Variants in MALRD1 observed in about 807,000 individuals in gnomAD.
The protein encoded by MALRD1 is MAM and LDL-receptor class A domain-containing protein 1.
Under a neutral mutation model 242.1 loss-of-function variants are expected in MALRD1, and 247 were observed. The ratio of observed to expected loss-of-function variants is 1.02; its 90% CI spans 0.92 to 1.13. The LOEUF (loss-of-function observed/expected upper bound fraction) is 1.13. MALRD1 is among the 50% of genes most tolerant of loss of function. The pLI, the probability that MALRD1 is intolerant of heterozygous loss-of-function variation, is 0.00. For missense variants in MALRD1, 2,989 were observed against 2,533.1 expected (o/e 1.18, Z -3.86); for synonymous variants, 995 against 866.6 (o/e 1.15, Z -2.60).
At chr10:19,217,219 T>C (rs1419255720) in intron 18 of MALRD1, among the ~76,000 whole-genome samples, 2 of 152,172 alleles carry the variant, frequency 1.3e-5, no homozygotes, top group Non-Finnish European at 2.9e-5. Flanking sequence ...CCATGATTTA[T>C]GGAATAAAGT....
chr10:19,697,738 C>T (rs1833444426), intron 38 of MALRD1, among the ~76,000 whole-genome samples: 1 of 152,126 alleles, frequency 6.6e-6, no homozygotes, highest in Non-Finnish European at 1.5e-5. Context: ...TTGCTCTCTT[C>T]TATTTCTCTC....
At chr10:19,581,269 G>A (rs1290913946) in intron 33 of MALRD1, among the ~76,000 whole-genome samples, 7 of 145,118 alleles carry the variant, frequency 4.8e-5, no homozygotes, top group Admixed American at 3.4e-4. Flanking sequence ...TGCACAATGT[G>A]CAGGTTAGTT....
chr10:19,620,994 AC>A (rs1279063513), intron 36 of MALRD1, among the ~76,000 whole-genome samples: 1 of 148,012 alleles, frequency 6.8e-6, no homozygotes, highest in Non-Finnish European at 1.5e-5. Flanking sequence ...TAGAGCAACT[AC>A]CAAAAAAAAA....
intron 35 of MALRD1, among the ~76,000 whole-genome samples, chr10:19,611,657 C>A (rs1838902852): frequency 6.6e-6 from 1 of 152,004 alleles, no homozygotes; most frequent in Non-Finnish European, 1.5e-5. Context: ...ATCTACTTAT[C>A]TCCTGGAAAT....
chr10:19,647,697 A>C (rs995297405), intron 36 of MALRD1, among the ~76,000 whole-genome samples: 2 of 152,318 alleles, frequency 1.3e-5, no homozygotes, highest in Admixed American at 6.5e-5. Flanking sequence ...TTGACATCTT[A>C]TGTGTCAAAA....
intron 13 of MALRD1, 77 bp from the exon 14 acceptor site, chr10:19,175,131 T>C: frequency 9.2e-7 from 1 of 1,082,212 alleles, no homozygotes; most frequent in Non-Finnish European, 1.2e-6. Flanking sequence ...ATAGGGTTCC[T>C]CTACACAAAG....
chr10:19,140,270 T>A (rs549174475), intron 10 of MALRD1, among the ~76,000 whole-genome samples: 5 of 152,302 alleles, frequency 3.3e-5, no homozygotes, highest in African/African-American at 1.2e-4. Flanking sequence ...TTCTTTCTTG[T>A]CTGCTCATAT....
At chr10:19,466,810 C>G (rs750912800) in intron 29 of MALRD1, among the ~76,000 whole-genome samples, 4 of 152,108 alleles carry the variant, frequency 2.6e-5, no homozygotes, top group Non-Finnish European at 5.9e-5. Flanking sequence ...CATCTATGCA[C>G]ATAGCCTGAA....
chr10:19,322,376 G>A (rs1406925480), intron 21 of MALRD1, among the ~76,000 whole-genome samples: 1 of 151,934 alleles, frequency 6.6e-6, no homozygotes, highest in Non-Finnish European at 1.5e-5. Flanking sequence ...ATAACTCTGT[G>A]GTTTGCATGA....
At chr10:19,730,867 C>A (rs193223365) in intron 39 of MALRD1, 86 bp downstream of exon 39, 31 of 1,218,688 alleles carry the variant, frequency 2.5e-5, no homozygotes, top group Non-Finnish European at 3.5e-5. Flanking sequence ...ACCAGTGTTG[C>A]TTGATCATGT....
intron 18 of MALRD1, among the ~76,000 whole-genome samples, chr10:19,247,870 A>T (rs1046142353): frequency 5.3e-5 from 8 of 152,096 alleles, no homozygotes; most frequent in Non-Finnish European, 1.0e-4. Flanking sequence ...AATTTAATTG[A>T]GCAAGGAAAG....
At chr10:19,095,165 G>A (rs770662223) in intron 4 of MALRD1, among the ~76,000 whole-genome samples, 11 of 152,056 alleles carry the variant, frequency 7.2e-5, no homozygotes, top group East Asian at 1.9e-4. Context: ...TCAATTTTAC[G>A]TTCGATTCTT....
At chr10:19,158,320 T>A (rs1834253756) in intron 12 of MALRD1, among the ~76,000 whole-genome samples, 1 of 152,252 alleles carries the variant, frequency 6.6e-6, no homozygotes, top group Non-Finnish European at 1.5e-5. Context: ...TATTGATCTT[T>A]CTTTTGTTTT....
chr10:19,461,574 G>T (rs1253126194), intron 29 of MALRD1, among the ~76,000 whole-genome samples: 1 of 152,116 alleles, frequency 6.6e-6, no homozygotes, highest in African/African-American at 2.4e-5. Flanking sequence ...GGGGGTAGGG[G>T]CAGTGGCTCA....
At chr10:19,491,482 T>A in intron 29 of MALRD1, 35 bp from the exon 30 acceptor site, 1 of 1,543,668 alleles carries the variant, frequency 6.5e-7, no homozygotes. Context: ...AAAATATTGA[T>A]GGAATACTGC....
intron 28 of MALRD1, among the ~76,000 whole-genome samples, chr10:19,414,808 C>A (rs1322319355): frequency 7.2e-6 from 1 of 139,602 alleles, no homozygotes; most frequent in Non-Finnish European, 1.6e-5. Flanking sequence ...CTAGCAATTT[C>A]ATGGAGTTTC....
intron 36 of MALRD1, among the ~76,000 whole-genome samples, chr10:19,652,098 A>T (rs7087709): frequency 2.0e-5 from 3 of 152,034 alleles, no homozygotes; most frequent in African/African-American, 7.3e-5. Context: ...GTGACCATGA[A>T]GCATCACTGG....
intron 29 of MALRD1, among the ~76,000 whole-genome samples, chr10:19,461,273 G>A (rs2131095885): frequency 6.6e-6 from 1 of 152,306 alleles, no homozygotes; most frequent in East Asian, 1.9e-4. Flanking sequence ...AGTTGTCTCA[G>A]AGGAACTGGG....
chr10:19,505,100 GAGGAGGAAGAGGGAGAGGTAGAGT>G (rs1838148385), intron 31 of MALRD1, among the ~76,000 whole-genome samples: 1 of 152,174 alleles, frequency 6.6e-6, no homozygotes, highest in Admixed American at 6.5e-5. Flanking sequence ...AGAGGCAGAG[GAGGAGGAAGAGGGAGAGGTAGAGT>G]AGGAGGAAGA....
Sources: allele counts gnomAD v4.1 joint callset (sites outside exome capture counted in the v4.1 genomes callset), GRCh38; gene constraint gnomAD v4.1.1; transcripts MANE v1.5; gene names NCBI Gene and HGNC (gene_info 2026-07-23, HGNC 2026-07-21).